BICC1: variants seen among roughly 807,000 people sequenced by gnomAD.
The protein encoded by BICC1 is BicC family RNA binding protein 1, also known as protein bicaudal C homolog 1.
Under a neutral mutation model 111.0 loss-of-function variants are expected in BICC1, and 43 were observed. The ratio of observed to expected loss-of-function variants is 0.39; its 90% CI spans 0.30 to 0.50. BICC1 has a LOEUF of 0.50. BICC1 is among the 20% of genes least tolerant of loss of function. BICC1 has a pLI of 0.88. For synonymous variants in BICC1, 467 were observed against 434.4 expected (o/e 1.07, Z -0.93); for missense variants, 1,091 against 1,203.2 (o/e 0.91, Z 1.38).
intron 2 of BICC1, among the ~76,000 whole-genome samples, chr10:58,635,565 C>G (rs963294174): frequency 6.6e-6 from 1 of 152,182 alleles, no homozygotes; most frequent in African/African-American, 2.4e-5. Flanking sequence ...GTACACAATT[C>G]TTTTCTAAAA....
At chr10:58,524,549 C>G (rs568378265) in intron 1 of BICC1, among the ~76,000 whole-genome samples, 35 of 152,216 alleles carry the variant, frequency 2.3e-4, no homozygotes, top group South Asian at 4.1e-4. Context: ...CAAGATTGAT[C>G]AAAAATTAAT....
intron 2 of BICC1, among the ~76,000 whole-genome samples, chr10:58,646,836 A>G (rs1016981416): frequency 4.6e-5 from 7 of 152,162 alleles, no homozygotes; most frequent in African/African-American, 1.7e-4. Flanking sequence ...GGGGGTTGAC[A>G]TGCTAGTTTT....
intron 1 of BICC1, among the ~76,000 whole-genome samples, chr10:58,540,664 A>G (rs1842940558): frequency 6.6e-6 from 1 of 152,006 alleles, no homozygotes; most frequent in African/African-American, 2.4e-5. Context: ...TTCACTGGAG[A>G]ATGCTTCTAA....
chr10:58,793,711 C>A (rs1274579581), intron 9 of BICC1, 96 bp downstream of exon 9: 3 of 1,368,400 alleles, frequency 2.2e-6, no homozygotes, highest in Non-Finnish European at 3.1e-6. Flanking sequence ...ATACATGAAA[C>A]TGTTACTCTA....
At chr10:58,710,048 G>A (rs956902117) in intron 3 of BICC1, among the ~76,000 whole-genome samples, 1 of 152,186 alleles carries the variant, frequency 6.6e-6, no homozygotes, top group African/African-American at 2.4e-5. Flanking sequence ...CCTACCATTT[G>A]TTGAAACCTC....
At chr10:58,604,250 T>C (rs1284576993) in intron 1 of BICC1, among the ~76,000 whole-genome samples, 1 of 152,230 alleles carries the variant, frequency 6.6e-6, no homozygotes, top group Non-Finnish European at 1.5e-5. Context: ...TTGCTACTGC[T>C]GTATTGAGGG....
intron 2 of BICC1, among the ~76,000 whole-genome samples, chr10:58,694,743 T>C (rs1263930254): frequency 6.6e-6 from 1 of 152,176 alleles, no homozygotes; most frequent in Non-Finnish European, 1.5e-5. Context: ...GACACTAATC[T>C]AGTTTGGGAA....
intron 1 of BICC1, among the ~76,000 whole-genome samples, chr10:58,523,179 A>G (rs1842438437): frequency 6.6e-6 from 1 of 152,220 alleles, no homozygotes; most frequent in South Asian, 2.1e-4. Context: ...ATAGAAAAAG[A>G]GGGAATCCTC....
intron 3 of BICC1, among the ~76,000 whole-genome samples, chr10:58,718,742 A>ATGTGTGGGTG (rs1554824846): frequency 6.7e-6 from 1 of 148,448 alleles, no homozygotes; most frequent in African/African-American, 2.5e-5. Flanking sequence ...TAGCATGGAA[A>ATGTGTGGGTG]TGTGTGTGTG....
chr10:58,593,961 G>T (rs1844723415), intron 1 of BICC1, among the ~76,000 whole-genome samples: 1 of 152,024 alleles, frequency 6.6e-6, no homozygotes, highest in South Asian at 2.1e-4. Context: ...CCAATGCAGG[G>T]AAGCTAAGAA....
chr10:58,685,029 A>C (rs1347282626), intron 2 of BICC1, among the ~76,000 whole-genome samples: 3 of 152,198 alleles, frequency 2.0e-5, no homozygotes, highest in African/African-American at 2.4e-5. Context: ...TTCCCTCTAC[A>C]CACTGCTTTA....
intron 14 of BICC1, among the ~76,000 whole-genome samples, chr10:58,802,306 C>T (rs530327812): frequency 1.3e-4 from 20 of 152,276 alleles, no homozygotes; most frequent in African/African-American, 4.8e-4. Context: ...TTTGTATTCC[C>T]CAAGTACTTT....
intron 3 of BICC1, among the ~76,000 whole-genome samples, chr10:58,758,860 GA>G (rs1331660282): frequency 6.6e-6 from 1 of 151,926 alleles, no homozygotes; most frequent in Non-Finnish European, 1.5e-5. Context: ...GTTCTAATAA[GA>G]TTTTTTTTAA....
At chr10:58,623,870 C>G (rs1845904567) in intron 2 of BICC1, among the ~76,000 whole-genome samples, 1 of 150,232 alleles carries the variant, frequency 6.7e-6, no homozygotes, top group South Asian at 2.1e-4. Flanking sequence ...TACCTAATAG[C>G]AACAATAGAG....
chr10:58,731,951 G>T (rs1841312965), intron 3 of BICC1, among the ~76,000 whole-genome samples: 1 of 152,150 alleles, frequency 6.6e-6, no homozygotes, highest in Non-Finnish European at 1.5e-5. Context: ...ATCATATCAA[G>T]GCTATTTCTC....
At chr10:58,608,597 T>G (rs570215191) in intron 1 of BICC1, among the ~76,000 whole-genome samples, 1 of 152,304 alleles carries the variant, frequency 6.6e-6, no homozygotes, top group African/African-American at 2.4e-5. Context: ...TTCTGTAATG[T>G]TTTAGTCTTG....
At chr10:58,633,621 T>A (rs997996572) in intron 2 of BICC1, among the ~76,000 whole-genome samples, 1 of 152,194 alleles carries the variant, frequency 6.6e-6, no homozygotes, top group Non-Finnish European at 1.5e-5. Context: ...CATCATTTAA[T>A]TAAGTTCTGA....
chr10:58,610,110 G>C lies in BICC1; in HGVS notation c.191-10745G>C, dbSNP rs199631502. 5.9e-5 allele frequency among the ~76,000 whole-genome samples: 9 copies of C among 152,296 alleles called. No homozygotes were observed. In the East Asian group the frequency reaches 1.7e-3, roughly 29 times the overall value. On this transcript the variant is annotated intron_variant, in intron 1 of 20. Coordinates refer to ENST00000373886, the MANE Select transcript of BICC1 (RefSeq NM_001080512.3). ...AATTTGAAGTTCGAATAAACCCTTA[G>C]CAAGAGTTACTGAAAGAGTTCAAGT...
Position 58,637,046 on chromosome 10 carries a change from G to A in BICC1, c.237+16145G>A, listed in dbSNP as rs540706572. 3.3e-5 allele frequency among the ~76,000 whole-genome samples: 5 copies of A among 149,600 alleles called. No homozygotes were observed. The South Asian group carries it at 1.1e-3, about 33-fold the overall frequency. On this transcript the variant is annotated intron_variant, in intron 2 of 20. Coordinates refer to ENST00000373886, the MANE Select transcript of BICC1 (RefSeq NM_001080512.3). ...CACACACAGTTCTATAATATTTTTG[G>A]CAATTTGTCTCAGTTTAAAGCTGTG...
Sources: allele counts gnomAD v4.1 joint callset (sites outside exome capture counted in the v4.1 genomes callset), GRCh38; gene constraint gnomAD v4.1.1; transcripts MANE v1.5; gene names NCBI Gene and HGNC (gene_info 2026-07-23, HGNC 2026-07-21).